The following ADGB variants were observed in gnomAD, a reference collection of about 807,000 sequenced individuals.
ADGB encodes the protein calpain-7-like protein.
A neutral mutation model predicts 210.5 loss-of-function variants in ADGB; 172 were observed. The ratio of observed to expected loss-of-function variants is 0.82; its 90% CI spans 0.72 to 0.93. The LOEUF is 0.93. Among genes scored for constraint, ADGB ranks in the 40% least tolerant of loss-of-function variants. The probability of loss-of-function intolerance (pLI) is 0.00; values close to 1 mark genes in which losing one functional copy is unlikely to be tolerated. For synonymous variants in ADGB, 658 were observed against 662.7 expected, an observed-to-expected ratio of 0.99 and a Z score of 0.11; for missense variants, 2,025 against 1,964.8, an observed-to-expected ratio of 1.03 and a Z score of -0.58.
chr6:146,741,436 A>G (rs373646122), intron 25 of ADGB, among the ~76,000 whole-genome samples, 165 bp downstream of exon 25: 1 of 152,264 alleles, frequency 6.6e-6, no homozygotes, highest in African/African-American at 2.4e-5. Flanking sequence ...AGTAGGAGAT[A>G]TTAAATGTAA....
intron 1 of ADGB, among the ~76,000 whole-genome samples, chr6:146,620,574 G>A (rs1196542789): frequency 2.0e-5 from 3 of 151,582 alleles, no homozygotes; most frequent in Non-Finnish European, 4.4e-5. Context: ...TGTTGTTGAA[G>A]CTTTCTAATG....
chr6:146,778,582 C>A (rs1174349397), intron 29 of ADGB, among the ~76,000 whole-genome samples: 2 of 152,078 alleles, frequency 1.3e-5, no homozygotes, highest in African/African-American at 4.8e-5. Flanking sequence ...ATTTAAACAA[C>A]CTTATTCTCT....
chr6:146,684,907 A>AC (rs1776201856), intron 9 of ADGB, among the ~76,000 whole-genome samples: 2 of 152,100 alleles, frequency 1.3e-5, no homozygotes, highest in Non-Finnish European at 2.9e-5. Flanking sequence ...ATGTAAAAGT[A>AC]TGTTTCTCTA....
chr6:146,676,682 G>A (rs1282076207), intron 9 of ADGB, among the ~76,000 whole-genome samples: 1 of 152,128 alleles, frequency 6.6e-6, no homozygotes, highest in Non-Finnish European at 1.5e-5. Flanking sequence ...TGTGGGAGAG[G>A]CTTCTGCTGG....
At position 146,802,947 on chromosome 6, in the gene ADGB, G is replaced by A. The variant is rs568022182; in HGVS notation, c.4818+936G>A. On this transcript the variant is annotated intron_variant, in intron 35 of 35. Transcript: ENST00000397944. Reference sequence around the variant, plus strand: ...CCATCATTTAAAATTTGTTTTGGATGATAGTTCTGACCACCACCTTTTAAT... The same window carrying A: ...CCATCATTTAAAATTTGTTTTGGATAATAGTTCTGACCACCACCTTTTAAT... 8.7e-6 allele frequency: 14 copies of A among 1,610,172 alleles called. No homozygotes were observed. In the African/African-American group the frequency reaches 1.3e-4, roughly 15 times the overall value.
intron 7 of ADGB, among the ~76,000 whole-genome samples, chr6:146,667,914 G>C (rs1159567765): frequency 6.6e-6 from 1 of 151,972 alleles, no homozygotes; most frequent in Non-Finnish European, 1.5e-5. Flanking sequence ...GCTCTCAGAG[G>C]TTGAATTCCC....
chr6:146,770,221 G>A (rs372876594), intron 29 of ADGB, among the ~76,000 whole-genome samples: 252 of 152,234 alleles, frequency 1.7e-3, no homozygotes, highest in African/African-American at 5.9e-3. Context: ...GCGTTTGCTT[G>A]CTTCTATTAT....
chr6:146,697,294 G>A (rs1335645581), intron 12 of ADGB, among the ~76,000 whole-genome samples: 8 of 152,096 alleles, frequency 5.3e-5, no homozygotes, highest in Non-Finnish European at 7.4e-5. Flanking sequence ...GATGGTTGCC[G>A]TTAAAATTGT....
chr6:146,722,609 C>T (rs551186432), intron 17 of ADGB, among the ~76,000 whole-genome samples: 2 of 152,228 alleles, frequency 1.3e-5, no homozygotes, highest in South Asian at 4.1e-4. Flanking sequence ...TTTATTCTCC[C>T]ACTCTTATTT....
intron 13 of ADGB, among the ~76,000 whole-genome samples, chr6:146,714,506 A>G (rs921374418): frequency 1.3e-5 from 2 of 152,230 alleles, no homozygotes; most frequent in Non-Finnish European, 1.5e-5. Context: ...TTCTACTTCC[A>G]GAGTATCTGT....
At chr6:146,738,216 T>C (rs1476765969) in intron 23 of ADGB, among the ~76,000 whole-genome samples, 1 of 152,110 alleles carries the variant, frequency 6.6e-6, no homozygotes, top group Admixed American at 6.5e-5. Context: ...ACAGGAAAAG[T>C]ACTTAGCACA....
intron 1 of ADGB, among the ~76,000 whole-genome samples, chr6:146,628,723 T>G (rs539384235): frequency 1.1e-4 from 17 of 152,130 alleles, no homozygotes; most frequent in African/African-American, 4.1e-4. Flanking sequence ...TTTGTAGTTA[T>G]CCTTCGAGGC....
At chr6:146,630,628 T>C (rs1010396162) in intron 1 of ADGB, among the ~76,000 whole-genome samples, 7 of 152,176 alleles carry the variant, frequency 4.6e-5, no homozygotes, top group Admixed American at 4.6e-4. Context: ...ATCAGAGTGC[T>C]ATGGCTCTGA....
chr6:146,776,013 A>G (rs1007324876), intron 29 of ADGB, among the ~76,000 whole-genome samples: 2 of 152,104 alleles, frequency 1.3e-5, no homozygotes, highest in Admixed American at 1.3e-4. Flanking sequence ...GAATTTTTAC[A>G]ATTTTTATAT....
At chr6:146,734,593 T>C (rs1777051142) in intron 22 of ADGB, among the ~76,000 whole-genome samples, 1 of 152,352 alleles carries the variant, frequency 6.6e-6, no homozygotes, top group Admixed American at 6.5e-5. Context: ...TGAAATAAAA[T>C]CTTTTTGCCA....
chr6:146,764,260 G>T (rs1047113742), intron 28 of ADGB, among the ~76,000 whole-genome samples, 160 bp downstream of exon 28: 2 of 152,118 alleles, frequency 1.3e-5, no homozygotes, highest in African/African-American at 4.8e-5. Context: ...TCTGTGCCAA[G>T]ATCTTTAAAT....
At chr6:146,742,761 G>C (rs1263532097) in intron 25 of ADGB, among the ~76,000 whole-genome samples, 1 of 152,140 alleles carries the variant, frequency 6.6e-6, no homozygotes, top group Non-Finnish European at 1.5e-5. Context: ...TCTAATAAAT[G>C]ATATCTCTAA....
intron 9 of ADGB, among the ~76,000 whole-genome samples, chr6:146,684,405 GAGGACTT>G (rs1020376262): frequency 2.6e-5 from 4 of 152,014 alleles, no homozygotes; most frequent in African/African-American, 9.7e-5. Flanking sequence ...CTTTTGATTA[GAGGACTT>G]ATTGGAGGGC....
At chr6:146,665,858 A>G (rs1271432026) in intron 6 of ADGB, among the ~76,000 whole-genome samples, 2 of 152,090 alleles carry the variant, frequency 1.3e-5, no homozygotes, top group Non-Finnish European at 2.9e-5. Context: ...AAATTAACAC[A>G]TAGTAATTTC....
Sources: gnomAD v4.1 joint callset for allele counts (sites outside exome capture counted in the v4.1 genomes callset) on GRCh38, gnomAD v4.1.1 for gene constraint, MANE v1.5 for transcripts, NCBI Gene and HGNC (gene_info 2026-07-23, HGNC 2026-07-21) for gene names.